Variants in CREBBP observed in about 807,000 individuals in gnomAD.
CREBBP encodes CREB binding lysine acetyltransferase, also known as CREB-binding protein.
Under a neutral mutation model 265.0 loss-of-function variants are expected in CREBBP, and 19 were observed. That is an observed-to-expected ratio of 0.07 (90% CI 0.05 to 0.11). CREBBP has a LOEUF of 0.11. Ranked by LOEUF, CREBBP falls within the 10% of genes least tolerant of loss-of-function variation. The probability of loss-of-function intolerance (pLI) is 1.00; values close to 1 mark genes in which losing one functional copy is unlikely to be tolerated. For missense variants in CREBBP, 2,525 were observed against 3,219.0 expected (o/e 0.78, Z 5.22); for synonymous variants, 1,457 against 1,223.7 (o/e 1.19, Z -3.98).
At chr16:3,831,720 G>A (rs2054346240) in intron 2 of CREBBP, among the ~76,000 whole-genome samples, 3 of 152,282 alleles carry the variant, frequency 2.0e-5, no homozygotes, top group South Asian at 4.1e-4. Flanking sequence ...ACAGAGGCCG[G>A]GCATGGTGGC....
intron 21 of CREBBP, among the ~76,000 whole-genome samples, chr16:3,748,429 TCGCC>T (rs2052397539): frequency 6.6e-6 from 1 of 152,222 alleles, no homozygotes; most frequent in Non-Finnish European, 1.5e-5. Context: ...CCCTGGCATC[TCGCC>T]AAGACTACAG....
Position 3,850,181 on chromosome 16 carries a change from C to T in CREBBP, c.798+116G>A, listed in dbSNP as rs569774034. The T allele has an allele frequency of 1.2e-3, 1,140 of 965,200 alleles. 7 individuals are homozygous for T. The highest frequency in any genetic ancestry group is 5.0e-3 in the Middle Eastern group (19 of 3,822). 59.8% of individuals were successfully genotyped at this position (965,200 alleles called of 1,614,324 possible). A position where few individuals can be genotyped will look rare whatever the true frequency, so the allele number is the denominator to read the frequency against. On this transcript the variant is annotated intron_variant, in intron 2 of 30. Coordinates refer to ENST00000262367, the MANE Select transcript of CREBBP (RefSeq NM_004380.3). ...CTGTCTCTTCCAAGCATGAGTGGCACGTGGAGAGCCCAAGAGGAAAAACAG... is the reference window on the plus strand; with the variant it reads ...CTGTCTCTTCCAAGCATGAGTGGCATGTGGAGAGCCCAAGAGGAAAAACAG...
At chr16:3,742,259 C>G (rs2052235316) in intron 23 of CREBBP, 1 of 152,286 alleles carries the variant, frequency 6.6e-6, no homozygotes. Context: ...GCGGTGCACT[C>G]TGCGCAACCT....
chr16:3,810,248 G>A (rs991264231), intron 3 of CREBBP, among the ~76,000 whole-genome samples: 1 of 152,138 alleles, frequency 6.6e-6, no homozygotes, highest in Admixed American at 6.6e-5. Context: ...AAATCAATGG[G>A]CTTCTACTGA....
At chr16:3,876,228 TG>T (rs2055396888) in intron 1 of CREBBP, among the ~76,000 whole-genome samples, 1 of 151,562 alleles carries the variant, frequency 6.6e-6, no homozygotes, top group Non-Finnish European at 1.5e-5. Context: ...TTTGTTTAGA[TG>T]GGGTCTCACT....
chr16:3,848,171 G>GA (rs573387424), intron 2 of CREBBP, among the ~76,000 whole-genome samples: 3,161 of 114,584 alleles, frequency 0.028, 52 homozygotes, highest in South Asian at 0.11. Flanking sequence ...CTCCATCTCA[G>GA]AAAAAAAAAA....
intron 18 of CREBBP, 148 bp downstream of exon 18, chr16:3,757,660 TC>T: frequency 8.3e-7 from 1 of 1,203,772 alleles, no homozygotes; most frequent in Non-Finnish European, 1.2e-6. Flanking sequence ...TGATCACCCA[TC>T]ACATCGCTTC....
intron 1 of CREBBP, among the ~76,000 whole-genome samples, chr16:3,853,175 C>T (rs900005455): frequency 2.0e-5 from 3 of 152,108 alleles, no homozygotes; most frequent in African/African-American, 7.2e-5. Context: ...CACCTCATAA[C>T]GCTGTTGTGA....
chr16:3,803,143 G>A (rs2053752529), intron 3 of CREBBP, among the ~76,000 whole-genome samples: 1 of 151,588 alleles, frequency 6.6e-6, no homozygotes, highest in African/African-American at 2.4e-5. Flanking sequence ...TCTTCTTTTT[G>A]CTTTGTGTTT....
intron 2 of CREBBP, among the ~76,000 whole-genome samples, chr16:3,838,810 A>G (rs1369817015): frequency 1.3e-5 from 2 of 152,146 alleles, no homozygotes; most frequent in Non-Finnish European, 2.9e-5. Flanking sequence ...CCGCCTCCCA[A>G]GTAGCTGGGA....
intron 2 of CREBBP, among the ~76,000 whole-genome samples, chr16:3,845,993 A>T (rs2141467883): frequency 6.6e-6 from 1 of 152,314 alleles, no homozygotes; most frequent in Non-Finnish European, 1.5e-5. Flanking sequence ...CATAAAACCT[A>T]AAAGCCATAA....
chr16:3,872,002 A>G (rs925492130), intron 1 of CREBBP, among the ~76,000 whole-genome samples: 1 of 152,230 alleles, frequency 6.6e-6, no homozygotes, highest in Non-Finnish European at 1.5e-5. Context: ...TACTATTCTT[A>G]GCAATGGTTC....
At chr16:3,807,040 C>T (rs1465127402) in intron 3 of CREBBP, among the ~76,000 whole-genome samples, 2 of 152,164 alleles carry the variant, frequency 1.3e-5, no homozygotes, top group South Asian at 2.1e-4. Flanking sequence ...CAGTTTGTAA[C>T]GATTTGTTTT....
intron 2 of CREBBP, among the ~76,000 whole-genome samples, chr16:3,832,474 G>C (rs1294529995): frequency 6.6e-6 from 1 of 152,168 alleles, no homozygotes; most frequent in Non-Finnish European, 1.5e-5. Flanking sequence ...AGGTGATTCT[G>C]GTCACTGTGG....
At chr16:3,846,188 G>C (rs965247054) in intron 2 of CREBBP, among the ~76,000 whole-genome samples, 2 of 152,110 alleles carry the variant, frequency 1.3e-5, no homozygotes, top group African/African-American at 4.8e-5. Flanking sequence ...CAATTCAAGA[G>C]ACAAATGGAC....
intron 28 of CREBBP, among the ~76,000 whole-genome samples, chr16:3,734,687 C>CA (rs1488948822): frequency 1.4e-4 from 21 of 152,222 alleles, no homozygotes; most frequent in Non-Finnish European, 2.9e-5. Context: ...AAACCCACGC[C>CA]ACCCCCTGCC....
intron 3 of CREBBP, among the ~76,000 whole-genome samples, chr16:3,800,411 A>G (rs9926616): frequency 0.01 from 1,534 of 152,090 alleles, 35 homozygotes; most frequent in African/African-American, 0.035. Context: ...GAGCCATTGC[A>G]CCCGGCCTTC....
chr16:3,876,303 G>A (rs1010520784), intron 1 of CREBBP, among the ~76,000 whole-genome samples: 3 of 143,548 alleles, frequency 2.1e-5, no homozygotes, highest in Admixed American at 7.4e-5. Flanking sequence ...GTCTCCCTAA[G>A]CACTGGGATT....
chr16:3,832,666 C>G (rs1363862117), intron 2 of CREBBP, among the ~76,000 whole-genome samples: 4 of 152,112 alleles, frequency 2.6e-5, no homozygotes, highest in Non-Finnish European at 4.4e-5. Flanking sequence ...AGAAAAGGCA[C>G]AGTAAAAATA....
Sources: allele counts gnomAD v4.1 joint callset (sites outside exome capture counted in the v4.1 genomes callset), GRCh38; gene constraint gnomAD v4.1.1; transcripts MANE v1.5; gene names NCBI Gene and HGNC (gene_info 2026-07-23, HGNC 2026-07-21).